Variants in NEDD4L observed in about 807,000 individuals in gnomAD.
NEDD4L encodes E3 ubiquitin-protein ligase NEDD4-like.
In NEDD4L, 54 loss-of-function variants were observed where a neutral mutation model predicts 148.9. The ratio of observed to expected loss-of-function variants is 0.36; its 90% CI spans 0.29 to 0.45. NEDD4L has a LOEUF of 0.45. Ranked by LOEUF, NEDD4L falls within the 20% of genes least tolerant of loss-of-function variation. The pLI, the probability that NEDD4L is intolerant of heterozygous loss-of-function variation, is 1.00. For missense variants in NEDD4L, 856 were observed against 1,233.8 expected, an observed-to-expected ratio of 0.69 and a Z score of 4.59; for synonymous variants, 433 against 440.7, an observed-to-expected ratio of 0.98 and a Z score of 0.22.
chr18:58,350,124 T>G (rs2043683678), intron 17 of NEDD4L, among the ~76,000 whole-genome samples: 1 of 152,224 alleles, frequency 6.6e-6, no homozygotes, highest in Admixed American at 6.5e-5. Flanking sequence ...GGATTTTGAA[T>G]GAAACCTTCA....
At chr18:58,233,878 C>T (rs1485914395) in intron 2 of NEDD4L, among the ~76,000 whole-genome samples, 3 of 152,154 alleles carry the variant, frequency 2.0e-5, no homozygotes, top group Non-Finnish European at 4.4e-5. Context: ...TGTTTGCCAG[C>T]AGCGTTCTCT....
At chr18:58,094,990 A>G (rs1415098741) in intron 1 of NEDD4L, among the ~76,000 whole-genome samples, 1 of 151,860 alleles carries the variant, frequency 6.6e-6, no homozygotes, top group Non-Finnish European at 1.5e-5. Flanking sequence ...TTTGCTCACC[A>G]CAGAGTTGCT....
At chr18:58,291,671 T>C (rs1360386021) in intron 5 of NEDD4L, among the ~76,000 whole-genome samples, 1 of 152,188 alleles carries the variant, frequency 6.6e-6, no homozygotes, top group Non-Finnish European at 1.5e-5. Context: ...TATTTTCCAG[T>C]AAGCTAATCT....
At chr18:58,052,651 T>C (rs2081926644) in intron 1 of NEDD4L, among the ~76,000 whole-genome samples, 1 of 147,526 alleles carries the variant, frequency 6.8e-6, no homozygotes, top group Non-Finnish European at 1.5e-5. Flanking sequence ...GTTTTTCTTT[T>C]TTTTTTTTTT....
chr18:58,278,125 A>G (rs2052429600), intron 5 of NEDD4L, among the ~76,000 whole-genome samples: 1 of 152,140 alleles, frequency 6.6e-6, no homozygotes, highest in African/African-American at 2.4e-5. Context: ...AAGCAAGTCC[A>G]TAATCCCATG....
intron 16 of NEDD4L, among the ~76,000 whole-genome samples, chr18:58,346,440 G>C (rs1275697612): frequency 6.6e-6 from 1 of 152,204 alleles, no homozygotes; most frequent in African/African-American, 2.4e-5. Context: ...TAGTATATTT[G>C]TGCCTTTCAC....
At chr18:58,270,599 A>G (rs539752958) in intron 5 of NEDD4L, among the ~76,000 whole-genome samples, 5 of 152,332 alleles carry the variant, frequency 3.3e-5, no homozygotes, top group Admixed American at 6.5e-5. Context: ...TTCTTTACAT[A>G]AATAAACATT....
chr18:58,045,437 A>G lies in NEDD4L; in HGVS notation c.48+729A>G, dbSNP rs541001648. 2.1e-5 allele frequency: 6 copies of G among 292,304 alleles called. No homozygotes were observed. In the South Asian group the frequency reaches 1.0e-3, roughly 49 times the overall value. The allele number at this position is 292,304 out of a possible 1,614,324, so 18.1% of individuals were successfully genotyped here. On this transcript the variant is annotated intron_variant, in intron 1 of 30. Transcript: ENST00000400345. ...GGGTGGGGAGAGGAAAGCTTAATTG[A>G]TCTCTTTTATTAATAAAGCGACTGA...
intron 16 of NEDD4L, among the ~76,000 whole-genome samples, chr18:58,347,129 G>A (rs966541498): frequency 6.7e-6 from 1 of 148,998 alleles, no homozygotes; most frequent in African/African-American, 2.5e-5. Flanking sequence ...AAATTCGGTT[G>A]ACTTTATACT....
rs1000794747 is a variant in NEDD4L, at chr18:58,231,750, G to T, written c.123-13677G>T. On this transcript the variant is annotated intron_variant, in intron 2 of 30. Coordinates refer to ENST00000400345, the MANE Select transcript of NEDD4L (RefSeq NM_001144967.3). ...GCTAATTTTTTGTATTTTTAGTAGA[G>T]ATGGGGCTTCACCATGTTGGCCAGG... is the stretch of plus-strand genomic sequence containing the variant. Among the ~76,000 whole-genome samples the T allele has an allele frequency of 3.3e-5, 5 of 152,214 alleles. 1 individual carries two copies. The highest frequency in any genetic ancestry group is 6.8e-3 in the Middle Eastern group (2 of 294).
At chr18:58,327,775 T>TA (rs2059435011) in intron 9 of NEDD4L, among the ~76,000 whole-genome samples, 1 of 152,196 alleles carries the variant, frequency 6.6e-6, no homozygotes, top group African/African-American at 2.4e-5. Flanking sequence ...ACTTTTGAGA[T>TA]ACTGACTTGT....
At chr18:58,315,230 A>G (rs1366712538) in intron 5 of NEDD4L, among the ~76,000 whole-genome samples, 1 of 152,176 alleles carries the variant, frequency 6.6e-6, no homozygotes, top group Non-Finnish European at 1.5e-5. Context: ...ACTGAGGGAT[A>G]TAGTGTGACT....
At chr18:58,179,016 T>C (rs1568336085) in intron 2 of NEDD4L, among the ~76,000 whole-genome samples, 1 of 152,170 alleles carries the variant, frequency 6.6e-6, no homozygotes, top group Non-Finnish European at 1.5e-5. Flanking sequence ...AATGATAGTA[T>C]TGGTTGTATA....
chr18:58,061,043 A>G (rs1476734198), intron 1 of NEDD4L, among the ~76,000 whole-genome samples: 1 of 152,204 alleles, frequency 6.6e-6, no homozygotes, highest in Non-Finnish European at 1.5e-5. Context: ...TACAGGCGTG[A>G]GCCACTGTGC....
Position 58,044,231 on chromosome 18 carries a change from CG to C in NEDD4L, c.-425del, listed in dbSNP as rs1302178484. On this transcript the variant is annotated 5_prime_UTR_variant, in exon 1 of 31. Coordinates refer to ENST00000400345, the MANE Select transcript of NEDD4L (RefSeq NM_001144967.3). Reference sequence around the variant, plus strand: ...GAGGCGGAGGAGGGGGCGGAGAGAGCGGGGGCCCGGACGGCGCTAGCGAGGA... The same window carrying C: ...GAGGCGGAGGAGGGGGCGGAGAGAGCGGGGCCCGGACGGCGCTAGCGAGGA... The C allele has an allele frequency of 2.0e-5, 3 of 149,394 alleles. No homozygotes were observed. Among genetic ancestry groups the C allele is most frequent in the African/African-American group, 4.9e-5 (2 of 41,014 alleles). The allele number at this position is 149,394 out of a possible 1,614,324, so 9.3% of individuals were successfully genotyped here.
intron 1 of NEDD4L, among the ~76,000 whole-genome samples, chr18:58,138,129 CTT>C (rs2033064170): frequency 6.6e-6 from 1 of 152,202 alleles, no homozygotes; most frequent in African/African-American, 2.4e-5. Context: ...TGGCTCCTCT[CTT>C]TTTCTGGGTT....
intron 1 of NEDD4L, among the ~76,000 whole-genome samples, chr18:58,085,850 G>C (rs2083733675): frequency 6.6e-6 from 1 of 152,148 alleles, no homozygotes; most frequent in Admixed American, 6.5e-5. Context: ...GAGTTTTCAG[G>C]AACCTAAACC....
intron 1 of NEDD4L, among the ~76,000 whole-genome samples, chr18:58,064,114 G>A (rs911975250): frequency 2.0e-5 from 3 of 151,776 alleles, no homozygotes; most frequent in Admixed American, 6.6e-5. Context: ...ACAGGCACCC[G>A]CCACCACGCC....
At chr18:58,329,658 A>ATTTT (rs1034872422) in intron 10 of NEDD4L, among the ~76,000 whole-genome samples, 4 of 135,572 alleles carry the variant, frequency 3.0e-5, no homozygotes, top group African/African-American at 1.1e-4. Flanking sequence ...ACAATGGCTA[A>ATTTT]TTTTTTTTTT....
Sources: allele counts gnomAD v4.1 joint callset (sites outside exome capture counted in the v4.1 genomes callset), GRCh38; gene constraint gnomAD v4.1.1; transcripts MANE v1.5; gene names NCBI Gene and HGNC (gene_info 2026-07-23, HGNC 2026-07-21).